The following SLF1 variants were observed in gnomAD, a reference collection of about 807,000 sequenced individuals.
The protein encoded by SLF1 is SMC5/6 complex localization factor 1.
SLF1 carries 105 observed loss-of-function variants against 123.0 expected under a neutral mutation model. The observed-to-expected ratio is 0.85, with a 90% CI of 0.73 to 1.00. The LOEUF (loss-of-function observed/expected upper bound fraction) is 1.00, where lower values mean the gene tolerates loss of function less well. Among genes scored for constraint, SLF1 ranks in the 50% least tolerant of loss-of-function variants. SLF1 has a pLI of 0.00. For synonymous variants in SLF1, 434 were observed against 406.6 expected (o/e 1.07, Z -0.81); for missense variants, 1,239 against 1,223.0 (o/e 1.01, Z -0.20).
At chr5:94,622,760 A>T (rs974646422) in intron 1 of SLF1, among the ~76,000 whole-genome samples, 2 of 152,096 alleles carry the variant, frequency 1.3e-5, no homozygotes, top group African/African-American at 4.8e-5. Context: ...TAAGTCTTAA[A>T]TATTTATTTT....
In SLF1 at chr5:94,663,688, A is replaced by G. The variant is rs1176882655; in HGVS notation, c.1210-62A>G. 2.1e-5 allele frequency: 27 copies of G among 1,265,608 alleles called. No homozygotes were observed. In the Admixed American group the frequency reaches 3.5e-4, roughly 17 times the overall value. The allele number at this position is 1,265,608 out of a possible 1,614,324, so 78.4% of individuals were successfully genotyped here. On this transcript the variant is annotated intron_variant, in intron 10 of 20. Coordinates refer to ENST00000265140, the MANE Select transcript of SLF1 (RefSeq NM_032290.4). The stretch of plus-strand genomic sequence containing the variant: ...ATAAATAATAAATTCTTACTAATTC[A>G]TGATTTGATTGCAAAATTTTATCTT...
chr5:94,687,630 G>A (rs1376410806), intron 16 of SLF1, among the ~76,000 whole-genome samples: 2 of 152,094 alleles, frequency 1.3e-5, no homozygotes, highest in African/African-American at 4.8e-5. Context: ...GGAGGTCGAG[G>A]CAGCAGTGAC....
Position 94,691,601 on chromosome 5 carries a change from A to C in SLF1, c.2457A>C (p.Gln819His), listed in dbSNP as rs139366091. Residue 819 changes from glutamine (Q) to histidine (H), a missense_variant, in exon 19 of 21, where the codon CAA (glutamine) becomes CAC (histidine). Physicochemically the swap from Gln to His is conservative, Grantham distance 24 (BLOSUM62 0). Coordinates refer to ENST00000265140, the MANE Select transcript of SLF1 (RefSeq NM_032290.4). Reference protein sequence around the residue: ...TALHRACINNQVEKLILLLSL... With the variant: ...TALHRACINNHVEKLILLLSL... The stretch of plus-strand genomic sequence containing the variant: ...TGCATAGAGCTTGCATAAATAACCA[A>C]GTGGAGAAATTGATTCTTCTTCTCT... 1.2e-6 allele frequency: 2 copies of C among 1,611,440 alleles called. No individual in the cohort carries two copies. Among genetic ancestry groups the C allele is most frequent in the African/African-American group, 2.7e-5 (2 of 74,758 alleles).
In SLF1 at chr5:94,663,925, G is replaced by A; in HGVS notation, c.1368+17G>A. The stretch of plus-strand genomic sequence containing the variant: ...GTTCTACAGGTAAGAGCAGCCTTAA[G>A]GATTTATAATCTTTTTTTCAAAGAA... On this transcript the variant is annotated intron_variant, in intron 11 of 20. Transcript: ENST00000265140. 1 of 1,457,966 alleles carries A rather than the reference G, an allele frequency of 6.9e-7. No individual in the cohort carries two copies. Among genetic ancestry groups the A allele is most frequent in the South Asian group, 1.5e-5 (1 of 68,494 alleles). The allele number at this position is 1,457,966 out of a possible 1,614,324, so 90.3% of individuals were successfully genotyped here.
intron 5 of SLF1, among the ~76,000 whole-genome samples, chr5:94,647,751 T>G (rs1747225668): frequency 8.4e-6 from 1 of 119,188 alleles, no homozygotes; most frequent in Non-Finnish European, 1.8e-5. Flanking sequence ...GACAAAGTAT[T>G]AGTGGCTTAG....
intron 4 of SLF1, among the ~76,000 whole-genome samples, chr5:94,633,246 C>G (rs992572441): frequency 6.6e-6 from 1 of 152,144 alleles, no homozygotes; most frequent in African/African-American, 2.4e-5. Flanking sequence ...CTCGGCCTCC[C>G]AAAGTGCTGG....
intron 15 of SLF1, among the ~76,000 whole-genome samples, chr5:94,682,771 A>G (rs954099634): frequency 1.3e-5 from 2 of 152,196 alleles, no homozygotes; most frequent in African/African-American, 4.8e-5. Flanking sequence ...TTTAAGCTCA[A>G]ATTATCTGAA....
chr5:94,665,751 T>A, intron 11 of SLF1, 110 bp from the exon 12 acceptor site: 1 of 1,013,168 alleles, frequency 9.9e-7, no homozygotes, highest in Non-Finnish European at 1.4e-6. Context: ...AGACTCCGTC[T>A]CAAAAAAGAA....
At chr5:94,694,793 A>G (rs988476491) in intron 20 of SLF1, 38 bp from the exon 21 acceptor site, 1 of 1,516,342 alleles carries the variant, frequency 6.6e-7, no homozygotes, top group Admixed American at 2.3e-5. Context: ...CAAAATAGAA[A>G]TGTTTTACTT....
At chr5:94,638,624 C>T (rs551182121) in intron 4 of SLF1, among the ~76,000 whole-genome samples, 1 of 152,270 alleles carries the variant, frequency 6.6e-6, no homozygotes, top group East Asian at 1.9e-4. Context: ...TCTCTTTGCC[C>T]ACAATAGTAA....
intron 6 of SLF1, among the ~76,000 whole-genome samples, chr5:94,650,852 A>C (rs1030237960): frequency 6.6e-6 from 1 of 152,182 alleles, no homozygotes; most frequent in Non-Finnish European, 1.5e-5. Flanking sequence ...ACCACAGTGT[A>C]TAGCATTTTT....
intron 3 of SLF1, chr5:94,629,572 A>C (rs1229899329): frequency 6.5e-6 from 1 of 154,306 alleles, no homozygotes; most frequent in East Asian, 1.9e-4. Context: ...ATTATGAAGC[A>C]ATGGTCATAC....
intron 9 of SLF1, among the ~76,000 whole-genome samples, chr5:94,657,154 T>G (rs930978919): frequency 6.6e-6 from 1 of 151,746 alleles, no homozygotes; most frequent in African/African-American, 2.4e-5. Flanking sequence ...ATTTGAGATC[T>G]TTCTACTTTT....
At chr5:94,639,679 A>G (rs1476846071) in intron 4 of SLF1, among the ~76,000 whole-genome samples, 2 of 152,226 alleles carry the variant, frequency 1.3e-5, no homozygotes, top group East Asian at 3.8e-4. Flanking sequence ...TGATAATGTA[A>G]ACAGTTAACA....
chr5:94,654,745 G>A lies in SLF1; in HGVS notation c.1148G>A (p.Arg383Lys). 6.6e-7 allele frequency: 1 copy of A among 1,511,236 alleles called. No homozygotes were observed. Among genetic ancestry groups the A allele is most frequent in the Non-Finnish European group, 8.9e-7 (1 of 1,129,336 alleles). The allele number at this position is 1,511,236 out of a possible 1,614,324, so 93.6% of individuals were successfully genotyped here. Residue 383 changes from arginine to lysine, a missense_variant, in exon 9 of 21, where the codon AGA becomes AAA. Transcript: ENST00000265140. ...AATACCTTAAGGAAGCACATATATA[G>A]AGCTCAGGTAAAACTTGGCACATGA... ...IKNTLRKHIYRAQAVRYNCIR... is the reference protein window; with the variant it reads ...IKNTLRKHIYKAQAVRYNCIR...
intron 9 of SLF1, among the ~76,000 whole-genome samples, chr5:94,659,884 A>G (rs11948061): frequency 0.6 from 90,945 of 151,832 alleles, 27,874 homozygotes; most frequent in African/African-American, 0.74. Flanking sequence ...TGTGCATGGC[A>G]TTCGTGATGG....
At chr5:94,684,916 A>C (rs1481952853) in intron 15 of SLF1, among the ~76,000 whole-genome samples, 1 of 152,184 alleles carries the variant, frequency 6.6e-6, no homozygotes, top group East Asian at 1.9e-4. Flanking sequence ...CAGCCTGTAT[A>C]CTGATTATGT....
intron 4 of SLF1, 75 bp from the exon 5 acceptor site, chr5:94,643,198 A>C: frequency 8.3e-7 from 1 of 1,205,026 alleles, no homozygotes. Flanking sequence ...CTCCTAAGAA[A>C]TAATTAATTT....
chr5:94,644,111 C>G (rs1023742118), intron 5 of SLF1, among the ~76,000 whole-genome samples: 1 of 152,104 alleles, frequency 6.6e-6, no homozygotes, highest in Non-Finnish European at 1.5e-5. Flanking sequence ...TCAAATGTTT[C>G]TTAAATCAAA....
Sources: gnomAD v4.1 joint callset for allele counts (sites outside exome capture counted in the v4.1 genomes callset) on GRCh38, gnomAD v4.1.1 for gene constraint, MANE v1.5 for transcripts, NCBI Gene and HGNC (gene_info 2026-07-23, HGNC 2026-07-21) for gene names.